Variants in MUSK observed in about 807,000 individuals in gnomAD.
MUSK encodes the protein muscle associated receptor tyrosine kinase, also known as muscle, skeletal receptor tyrosine-protein kinase.
MUSK carries 55 observed loss-of-function variants against 88.7 expected under a neutral mutation model. The observed-to-expected ratio is 0.62, with a 90% confidence interval of 0.50 to 0.78. The LOEUF (loss-of-function observed/expected upper bound fraction) is 0.78. Ranked by LOEUF, MUSK falls within the 30% of genes least tolerant of loss-of-function variation. The pLI is 0.00. For synonymous variants in MUSK, 387 were observed against 391.9 expected (o/e 0.99, Z 0.15); for missense variants, 1,015 against 1,074.3 (o/e 0.94, Z 0.77).
intron 3 of MUSK, among the ~76,000 whole-genome samples, chr9:110,689,388 T>C (rs1412632819): frequency 8.7e-6 from 1 of 114,564 alleles, no homozygotes; most frequent in Non-Finnish European, 1.6e-5. Context: ...GTAAAAAATA[T>C]AAAAATATGT....
chr9:110,745,503 T>C (rs78392231), intron 6 of MUSK, among the ~76,000 whole-genome samples: 18,384 of 152,196 alleles, frequency 0.12, 1,488 homozygotes, highest in East Asian at 0.17. Flanking sequence ...TAAAGTCTGT[T>C]GATTGAGCAT....
chr9:110,735,485 T>C (rs2077019527), intron 6 of MUSK, among the ~76,000 whole-genome samples: 1 of 152,132 alleles, frequency 6.6e-6, no homozygotes, highest in Admixed American at 6.6e-5. Flanking sequence ...TTTCATGTTC[T>C]CTTTCATAAC....
chr9:110,751,967 C>T (rs1587991524), intron 7 of MUSK, among the ~76,000 whole-genome samples: 1 of 152,092 alleles, frequency 6.6e-6, no homozygotes, highest in Admixed American at 6.5e-5. Context: ...AGAAACATGC[C>T]TATTAATTAA....
chr9:110,730,584 C>T (rs2076950762), intron 5 of MUSK, among the ~76,000 whole-genome samples: 2 of 152,074 alleles, frequency 1.3e-5, no homozygotes, highest in Middle Eastern at 3.4e-3. Flanking sequence ...ATGGGATTTA[C>T]TGTTGACTTG....
At chr9:110,742,718 A>G (rs77958763) in intron 6 of MUSK, among the ~76,000 whole-genome samples, 1,895 of 152,352 alleles carry the variant, frequency 0.012, 13 homozygotes, top group Middle Eastern at 0.017. Context: ...ACAAAAAGTG[A>G]AAGGCAAAAT....
At chr9:110,764,106 A>G (rs768182075) in intron 8 of MUSK, among the ~76,000 whole-genome samples, 2 of 152,312 alleles carry the variant, frequency 1.3e-5, no homozygotes, top group Middle Eastern at 3.4e-3. Flanking sequence ...TCCATGTGCA[A>G]TATTAACTAG....
At chr9:110,739,382 C>G (rs2077069825) in intron 6 of MUSK, among the ~76,000 whole-genome samples, 1 of 152,108 alleles carries the variant, frequency 6.6e-6, no homozygotes, top group Non-Finnish European at 1.5e-5. Context: ...GAGGCTCACC[C>G]TAACCTTGGT....
chr9:110,691,102 T>C (rs1481743808), intron 3 of MUSK, among the ~76,000 whole-genome samples: 1 of 151,848 alleles, frequency 6.6e-6, no homozygotes, highest in Non-Finnish European at 1.5e-5. Context: ...TAACCTTGAG[T>C]AATCTGCCCA....
chr9:110,773,838 T>A (rs150098991), intron 9 of MUSK, among the ~76,000 whole-genome samples: 1 of 152,318 alleles, frequency 6.6e-6, no homozygotes, highest in African/African-American at 2.4e-5. Flanking sequence ...CTTTTGTTCC[T>A]TTGTAAGGAA....
intron 5 of MUSK, among the ~76,000 whole-genome samples, chr9:110,702,002 CA>C (rs959014338): frequency 4.7e-5 from 7 of 149,722 alleles, no homozygotes; most frequent in African/African-American, 1.7e-4. Flanking sequence ...CTTGACCTCC[CA>C]AAATGTTGGG....
intron 7 of MUSK, among the ~76,000 whole-genome samples, chr9:110,761,539 C>T (rs1485794188): frequency 1.4e-5 from 2 of 143,060 alleles, no homozygotes; most frequent in Non-Finnish European, 3.1e-5. Flanking sequence ...CTGCTTTATG[C>T]ATCTTCTCTG....
intron 3 of MUSK, among the ~76,000 whole-genome samples, chr9:110,690,881 T>C (rs376607528): frequency 2.1e-5 from 3 of 140,856 alleles, no homozygotes; most frequent in East Asian, 2.0e-4. Flanking sequence ...TAAATATATA[T>C]ATATTTTTTG....
chr9:110,719,655 A>G (rs535505586), intron 5 of MUSK, among the ~76,000 whole-genome samples: 74 of 152,258 alleles, frequency 4.9e-4, no homozygotes, highest in Non-Finnish European at 9.0e-4. Flanking sequence ...GGACTTTAAT[A>G]CTACACTGAT....
intron 5 of MUSK, among the ~76,000 whole-genome samples, chr9:110,701,783 T>C (rs2076520611): frequency 0.025 from 1 of 40 alleles, no homozygotes; most frequent in South Asian, 0.17. Flanking sequence ...TATTTTATTT[T>C]ATTTTATTTT....
At position 110,803,939 on chromosome 9, in the gene MUSK, C is replaced by T. The variant is rs1564303449; in HGVS notation, c.*2951C>T. 6.6e-6 allele frequency among the ~76,000 whole-genome samples: 1 copy of T among 152,082 alleles called. No homozygotes were observed. The highest frequency in any genetic ancestry group is 2.4e-5 in the African/African-American group (1 of 41,418). ...TGCCAGGACAGATATCAGTAAGGCA[C>T]CAGCAGTCATTTTTAGTGATCAAAT... On this transcript the variant is annotated 3_prime_UTR_variant, in exon 15 of 15. Coordinates refer to ENST00000374448, the MANE Select transcript of MUSK (RefSeq NM_005592.4).
intron 9 of MUSK, among the ~76,000 whole-genome samples, chr9:110,774,497 G>T (rs1267432096): frequency 1.3e-5 from 2 of 152,076 alleles, no homozygotes; most frequent in East Asian, 3.9e-4. Flanking sequence ...CCAGGTATTT[G>T]CTTCTTCTGC....
At chr9:110,693,772 TG>T (rs1232424613) in intron 3 of MUSK, among the ~76,000 whole-genome samples, 4 of 152,308 alleles carry the variant, frequency 2.6e-5, no homozygotes, top group Non-Finnish European at 4.4e-5. Context: ...ACATTATCTG[TG>T]CCTCAGCTTT....
intron 5 of MUSK, among the ~76,000 whole-genome samples, chr9:110,708,751 T>G (rs1056874449): frequency 6.6e-6 from 1 of 152,182 alleles, no homozygotes; most frequent in Admixed American, 6.5e-5. Flanking sequence ...AAAAAGTCAC[T>G]TGTATAATAA....
chr9:110,687,043 G>T lies in MUSK; in HGVS notation c.207-74G>T, dbSNP rs564153883. ...TCTACTTCCTCATTAACAAGTCATCGGTTTGATACATTAATCATGGCAAAA... is the reference window on the plus strand; with the variant it reads ...TCTACTTCCTCATTAACAAGTCATCTGTTTGATACATTAATCATGGCAAAA... On this transcript the variant is annotated intron_variant, in intron 2 of 14. Transcript: ENST00000374448. The T allele has an allele frequency of 2.0e-6, 3 of 1,464,664 alleles. No homozygotes were observed. The Admixed American group carries it at 5.9e-5, about 29-fold the overall frequency. 90.7% of individuals were successfully genotyped at this position (1,464,664 alleles called of 1,614,324 possible).
Sources: gnomAD v4.1 joint callset for allele counts (sites outside exome capture counted in the v4.1 genomes callset) on GRCh38, gnomAD v4.1.1 for gene constraint, MANE v1.5 for transcripts, NCBI Gene and HGNC (gene_info 2026-07-23, HGNC 2026-07-21) for gene names.